CIMIP2C: variants seen among roughly 807,000 people sequenced by gnomAD.
CIMIP2C encodes the protein UPF0573 protein C2orf70.
the CIMIP2C span, among the ~76,000 whole-genome samples, chr2:26,569,900 G>A: frequency 2.1e-4 from 32 of 152,276 alleles, no homozygotes; most frequent in African/African-American, 6.7e-4. Flanking sequence ...GGCCTGCCAC[G>A]TATCAACACA....
chr2:26,564,861 G>A, the CIMIP2C span, among the ~76,000 whole-genome samples: 1 of 152,264 alleles, frequency 6.6e-6, no homozygotes, highest in African/African-American at 2.4e-5. Context: ...TCCAGATGTG[G>A]TCACTGAGGT....
the CIMIP2C span, chr2:26,577,480 T>C: frequency 6.3e-7 from 1 of 1,593,070 alleles, no homozygotes; most frequent in South Asian, 1.1e-5. Context: ...TCCTGTGCAC[T>C]AACAACCTGT....
the CIMIP2C span, among the ~76,000 whole-genome samples, chr2:26,566,430 G>A: frequency 2.6e-5 from 4 of 152,172 alleles, no homozygotes; most frequent in African/African-American, 4.8e-5. Flanking sequence ...ACACACACAC[G>A]GTGGTGTACT....
the CIMIP2C span, among the ~76,000 whole-genome samples, chr2:26,569,404 G>A: frequency 2.0e-5 from 3 of 152,200 alleles, no homozygotes; most frequent in Non-Finnish European, 4.4e-5. Context: ...CCCCGCTTGT[G>A]CTTGGTGTCA....
chr2:26,563,335 C>T, the CIMIP2C span, among the ~76,000 whole-genome samples: 6 of 152,356 alleles, frequency 3.9e-5, no homozygotes, highest in South Asian at 2.1e-4. Flanking sequence ...CTTTCAAATA[C>T]TAGGTTACAC....
the CIMIP2C span, among the ~76,000 whole-genome samples, chr2:26,573,010 G>A: frequency 2.0e-5 from 3 of 152,240 alleles, no homozygotes; most frequent in Non-Finnish European, 2.9e-5. Flanking sequence ...TTGCTTACAC[G>A]TCACAGGTTA....
the CIMIP2C span, among the ~76,000 whole-genome samples, chr2:26,577,150 G>A: frequency 6.6e-6 from 1 of 152,368 alleles, no homozygotes; most frequent in Non-Finnish European, 1.5e-5. Context: ...AGTGGGGAAG[G>A]AGAGGGGGGA....
chr2:26,564,500 A>G, the CIMIP2C span, among the ~76,000 whole-genome samples: 1 of 152,206 alleles, frequency 6.6e-6, no homozygotes, highest in Non-Finnish European at 1.5e-5. Flanking sequence ...GGACTGGGCT[A>G]GTTTGAGCAG....
the CIMIP2C span, among the ~76,000 whole-genome samples, chr2:26,577,155 G>C: frequency 1.3e-5 from 2 of 152,216 alleles, no homozygotes; most frequent in Admixed American, 6.5e-5. Flanking sequence ...GGAAGGAGAG[G>C]GGGGAGGAAA....
chr2:26,562,686 G>A, the CIMIP2C span: 1 of 1,568,880 alleles, frequency 6.4e-7, no homozygotes, highest in Non-Finnish European at 8.6e-7. Flanking sequence ...CTCATGCCCG[G>A]GTAAGGCCGA....
chr2:26,571,526 G>A, the CIMIP2C span, among the ~76,000 whole-genome samples: 26 of 152,210 alleles, frequency 1.7e-4, no homozygotes, highest in Admixed American at 1.1e-3. Context: ...GCTGAGCACC[G>A]TGGGTCTTTG....
the CIMIP2C span, among the ~76,000 whole-genome samples, chr2:26,569,501 G>C: frequency 6.6e-6 from 1 of 152,178 alleles, no homozygotes; most frequent in Admixed American, 6.5e-5. Context: ...TGGAGGAGAG[G>C]ATGCATTGTG....
At chr2:26,571,994 T>TTCA in the CIMIP2C span, 92 of 965,484 alleles carry the variant, frequency 9.5e-5, no homozygotes, top group East Asian at 2.9e-3. Context: ...TAAGTGTTAA[T>TTCA]TCATCACAAG....
chr2:26,576,025 A>T, the CIMIP2C span: 516,394 of 1,613,970 alleles, frequency 0.32, 87,720 homozygotes, highest in East Asian at 0.56. Context: ...CCTTCAGCCA[A>T]GGCGGCCATT....
At chr2:26,579,248 C>A in the CIMIP2C span, 1 of 1,600,118 alleles carries the variant, frequency 6.2e-7, no homozygotes, top group Non-Finnish European at 8.5e-7. Flanking sequence ...GCACCACCTT[C>A]CTTCCCTGGC....
the CIMIP2C span, chr2:26,577,554 G>A: frequency 0.45 from 730,885 of 1,613,060 alleles, 170,144 homozygotes; most frequent in Admixed American, 0.55. Context: ...AAGACAAGAC[G>A]GGCACAGTGC....
chr2:26,571,206 GA>G, the CIMIP2C span, among the ~76,000 whole-genome samples: 1 of 152,108 alleles, frequency 6.6e-6, no homozygotes, highest in Non-Finnish European at 1.5e-5. Context: ...CTCCCAGAAG[GA>G]ATGGGTCCCT....
the CIMIP2C span, chr2:26,578,353 C>T: frequency 4.6e-5 from 8 of 175,532 alleles, no homozygotes; most frequent in Admixed American, 2.8e-4. Flanking sequence ...CAACCACTCC[C>T]GGCTTGCCTC....
the CIMIP2C span, among the ~76,000 whole-genome samples, chr2:26,563,860 A>G: frequency 6.6e-6 from 1 of 152,104 alleles, no homozygotes; most frequent in Non-Finnish European, 1.5e-5. Context: ...TGTAGTTTTA[A>G]CCTAGCCCAT....
Sources: gnomAD v4.1 joint callset for allele counts (sites outside exome capture counted in the v4.1 genomes callset) on GRCh38, gnomAD v4.1.1 for gene constraint, MANE v1.5 for transcripts, NCBI Gene and HGNC (gene_info 2026-07-23, HGNC 2026-07-21) for gene names.